Variants in GGACT observed in about 807,000 individuals in gnomAD.
GGACT encodes the protein gamma-glutamylamine cyclotransferase.
For synonymous variants in GGACT, 118 were observed against 115.3 expected, an observed-to-expected ratio of 1.02 and a Z score of -0.15; for missense variants, 241 against 233.2, an observed-to-expected ratio of 1.03 and a Z score of -0.22.
chr13:100,571,164 G>A (rs1359102766), intron 2 of GGACT, among the ~76,000 whole-genome samples: 3 of 152,268 alleles, frequency 2.0e-5, no homozygotes, highest in South Asian at 2.1e-4. Flanking sequence ...TAACAGTGTC[G>A]AGGAGGATAA....
chr13:100,578,797 CAAA>C (rs1247324339), intron 2 of GGACT: 2 of 152,100 alleles, frequency 1.3e-5, no homozygotes, highest in East Asian at 3.9e-4. Flanking sequence ...AATAATGGCT[CAAA>C]GAACACTTTT....
intron 2 of GGACT, among the ~76,000 whole-genome samples, chr13:100,552,524 C>T (rs9585459): frequency 0.013 from 1,954 of 152,286 alleles, 44 homozygotes; most frequent in African/African-American, 0.045. Flanking sequence ...GGTGACCTGT[C>T]GTGAGCCTTG....
At chr13:100,537,836 G>C (rs932568877) in intron 2 of GGACT, 2 of 152,284 alleles carry the variant, frequency 1.3e-5, no homozygotes, top group African/African-American at 4.8e-5. Flanking sequence ...CCAGGACAGA[G>C]CAGGTACTCA....
In GGACT at chr13:100,577,418, A is replaced by AAAAAAAAT. The variant is rs144507106; in HGVS notation, c.-11+6406_-11+6407insATTTTTTT. 9.8e-4 allele frequency among the ~76,000 whole-genome samples: 138 copies of AAAAAAAAT among 141,224 alleles called. 1 individual carries two copies. Among genetic ancestry groups the AAAAAAAAT allele is most frequent in the African/African-American group, 3.5e-3 (133 of 38,352 alleles). The allele number at this position is 141,224 out of a possible 152,430, so 92.6% of individuals were successfully genotyped here. A position where few individuals can be genotyped will look rare whatever the true frequency, so the allele number is the denominator to read the frequency against. On this transcript the variant is annotated intron_variant, in intron 2 of 2. Coordinates refer to ENST00000683975, the MANE Select transcript of GGACT (RefSeq NM_001195087.2). ...GTGACAAGAGCGAGACTCCATCTCA[A>AAAAAAAAT]AAATAAATAAATAAATAAATAAATA...
Position 100,546,306 on chromosome 13 carries a change from A to G in GGACT, c.-10-13705T>C, listed in dbSNP as rs972820498. Among the ~76,000 whole-genome samples the G allele has an allele frequency of 1.2e-3, 187 of 150,352 alleles. 1 individual carries two copies. Among genetic ancestry groups the G allele is most frequent in the African/African-American group, 3.7e-3 (150 of 40,630 alleles). Reference sequence around the variant, plus strand: ...GAACCCGGTAGGCGGAGCTTGCAGTAAGCCGAGATGGCGCCACTGCACTCC... The same window carrying G: ...GAACCCGGTAGGCGGAGCTTGCAGTGAGCCGAGATGGCGCCACTGCACTCC... On this transcript the variant is annotated intron_variant, in intron 2 of 2. Transcript: ENST00000683975.
intron 1 of GGACT, among the ~76,000 whole-genome samples, chr13:100,584,605 C>T (rs759184198): frequency 6.6e-6 from 1 of 152,008 alleles, no homozygotes; most frequent in Non-Finnish European, 1.5e-5. Context: ...TGTAACTATA[C>T]ATTTAAAAAT....
At chr13:100,561,981 G>A (rs1425412516) in intron 2 of GGACT, among the ~76,000 whole-genome samples, 1 of 152,220 alleles carries the variant, frequency 6.6e-6, no homozygotes, top group Non-Finnish European at 1.5e-5. Flanking sequence ...ATGCGGCAGA[G>A]TCTGCATGCC....
intron 2 of GGACT, among the ~76,000 whole-genome samples, chr13:100,543,065 A>G (rs565662213): frequency 1.3e-5 from 2 of 152,306 alleles, no homozygotes; most frequent in African/African-American, 4.8e-5. Context: ...TAGTTTACAA[A>G]TCACAACCAC....
chr13:100,567,594 T>C (rs1191870031), intron 2 of GGACT, among the ~76,000 whole-genome samples: 2 of 152,250 alleles, frequency 1.3e-5, no homozygotes, highest in African/African-American at 4.8e-5. Flanking sequence ...GTCTTTGGGC[T>C]GCATCTGTCC....
chr13:100,580,119 A>C (rs1383026371), intron 2 of GGACT: 1 of 152,462 alleles, frequency 6.6e-6, no homozygotes, highest in East Asian at 1.9e-4. Context: ...TACTCTGCCA[A>C]AAATGCCTGG....
rs916109453 is a variant in GGACT at position 100,534,407 on chromosome 13, G to A, written c.-10-1806C>T. Reference sequence around the variant, plus strand: ...GAGATGTGAATTAAGGAGAACCTGGGGTAGGACGGTACTGAGGAAGAGAAG... The same window carrying A: ...GAGATGTGAATTAAGGAGAACCTGGAGTAGGACGGTACTGAGGAAGAGAAG... On this transcript the variant is annotated intron_variant, in intron 2 of 2. Coordinates refer to ENST00000683975, the MANE Select transcript of GGACT (RefSeq NM_001195087.2). The surrounding 1 kb of genome is among the most constrained non-coding windows in gnomAD (Gnocchi z 4.9). Among the ~76,000 whole-genome samples the A allele has an allele frequency of 1.3e-5, 2 of 152,026 alleles. No individual in the cohort carries two copies. The highest frequency in any genetic ancestry group is 2.9e-5 in the Non-Finnish European group (2 of 68,018).
At position 100,538,804 on chromosome 13, in the gene GGACT, A is replaced by C. The variant is rs115172048; in HGVS notation, c.-10-6203T>G. On this transcript the variant is annotated intron_variant, in intron 2 of 2. Transcript: ENST00000683975. ...AAAGGACTGCATTAATCTGTAGATC[A>C]CTTTAGGAAATATTGACATCTGAAC... The C allele has an allele frequency of 5.7e-3, 865 of 152,346 alleles. 12 individuals carry two copies. The highest frequency in any genetic ancestry group is 0.02 in the African/African-American group (821 of 41,574). 9.4% of individuals were successfully genotyped at this position (152,346 alleles called of 1,614,324 possible).
chr13:100,546,771 G>A (rs1272399351), intron 2 of GGACT, among the ~76,000 whole-genome samples: 3 of 152,254 alleles, frequency 2.0e-5, no homozygotes, highest in Non-Finnish European at 4.4e-5. Context: ...CTGCGAGTCA[G>A]CAGAGGAAAG....
At chr13:100,557,298 C>T (rs749112488) in intron 2 of GGACT, among the ~76,000 whole-genome samples, 4 of 152,124 alleles carry the variant, frequency 2.6e-5, no homozygotes, top group Non-Finnish European at 5.9e-5. Context: ...TTTGAGATAA[C>T]GTGATATGGA....
chr13:100,569,997 T>C (rs1303216771), intron 2 of GGACT, among the ~76,000 whole-genome samples: 3 of 152,338 alleles, frequency 2.0e-5, no homozygotes, highest in South Asian at 4.1e-4. Flanking sequence ...TATCAGCATT[T>C]TGGACAAAGT....
chr13:100,558,075 G>A (rs1040715990), intron 2 of GGACT, among the ~76,000 whole-genome samples: 2 of 151,910 alleles, frequency 1.3e-5, no homozygotes, highest in African/African-American at 2.4e-5. Context: ...AGCTACTCTC[G>A]AGGCTGAGGC....
At chr13:100,546,309 C>G (rs2088603336) in intron 2 of GGACT, among the ~76,000 whole-genome samples, 1 of 148,316 alleles carries the variant, frequency 6.7e-6, no homozygotes, top group African/African-American at 2.5e-5. Flanking sequence ...TTGCAGTAAG[C>G]CGAGATGGCG....
In GGACT at chr13:100,532,500, C is replaced by G. The variant is rs1456793502; in HGVS notation, c.92G>C (p.Arg31Pro). 2 of 1,548,656 alleles carry G rather than the reference C, an allele frequency of 1.3e-6. No homozygotes were observed. The highest frequency in any genetic ancestry group is 1.2e-5 in the South Asian group (1 of 83,980). The change falls in exon 3 of 3, where the codon CGG becomes CCG. Residue 31 changes from arginine (R) to proline (P), a missense_variant. Arg to Pro is a moderately radical substitution (Grantham distance 103). Coordinates refer to ENST00000683975, the MANE Select transcript of GGACT (RefSeq NM_001195087.2). ...GGGCTCCAGCGTGCGGCCGCGCGCC[C>G]GAAAGGCTGCGGAGCCGTGGGCGCC... ...RDGAHGSAAF[R>P]ARGRTLEPYP... is the part of the protein sequence containing the mutation.
At chr13:100,578,188 C>A (rs964848022) in intron 2 of GGACT, among the ~76,000 whole-genome samples, 3 of 152,208 alleles carry the variant, frequency 2.0e-5, no homozygotes, top group Non-Finnish European at 4.4e-5. Flanking sequence ...GTAGTGGCTA[C>A]CTTCACCTCT....
Sources: gnomAD v4.1 joint callset for allele counts (sites outside exome capture counted in the v4.1 genomes callset) on GRCh38, gnomAD v4.1.1 for gene constraint, Gnocchi (gnomAD v3.1) non-coding constraint, MANE v1.5 for transcripts, NCBI Gene and HGNC (gene_info 2026-07-23, HGNC 2026-07-21) for gene names.